The following CD99L2 variants were observed in gnomAD, a reference collection of about 807,000 sequenced individuals.
CD99L2 encodes CD99 antigen-like protein 2.
Under a neutral mutation model 27.3 loss-of-function variants are expected in CD99L2, and 24 were observed. The observed-to-expected ratio is 0.88, with a 90% confidence interval of 0.64 to 1.24. The LOEUF is 1.24. Among genes scored for constraint, CD99L2 ranks in the 50% most tolerant of loss-of-function variants. The pLI is 0.00. For missense variants in CD99L2, 255 were observed against 221.6 expected (o/e 1.15, Z -0.96); for synonymous variants, 97 against 87.9 (o/e 1.10, Z -0.58).
At chrX:150,770,986 C>T (rs1024582305) in intron 9 of CD99L2, among the ~76,000 whole-genome samples, 5 of 112,631 alleles carry the variant, frequency 4.4e-5, no homozygotes, top group Non-Finnish European at 7.5e-5. Flanking sequence ...TTCTCTACAC[C>T]TGTTACAAGA....
chrX:150,862,876 GA>G (rs781878732), intron 1 of CD99L2, among the ~76,000 whole-genome samples: 1 of 85,724 alleles, frequency 1.2e-5, no homozygotes. Flanking sequence ...AAGAAAGAAA[GA>G]AAAAGAAAGA....
chrX:150,836,360 C>T (rs782214201), intron 1 of CD99L2, among the ~76,000 whole-genome samples: 1 of 109,662 alleles, frequency 9.1e-6, no homozygotes, highest in Non-Finnish European at 1.9e-5. Flanking sequence ...TTTTTTTTTC[C>T]GAGATGGAGT....
rs200922010 is a variant in CD99L2 at position 150,880,628 on chromosome X, T to C, written c.67+17894A>G. Reference sequence around the variant, plus strand: ...TAAAATTAGATAATGAGAGTGATGGTTGCACAGTTTTGAATACACTAGAAA... The same window carrying C: ...TAAAATTAGATAATGAGAGTGATGGCTGCACAGTTTTGAATACACTAGAAA... On this transcript the variant is annotated intron_variant, in intron 1 of 10. Coordinates refer to ENST00000370377, the MANE Select transcript of CD99L2 (RefSeq NM_031462.4). 4.5e-5 allele frequency among the ~76,000 whole-genome samples: 5 copies of C among 111,484 alleles called. No homozygotes were observed. In the East Asian group the frequency reaches 1.1e-3, roughly 25 times the overall value.
chrX:150,772,111 G>A (rs782067535), intron 9 of CD99L2, among the ~76,000 whole-genome samples: 1 of 112,093 alleles, frequency 8.9e-6, no homozygotes, highest in Admixed American at 9.4e-5. Flanking sequence ...AGTGGGGACA[G>A]GAGGCCCAAC....
At chrX:150,790,197 G>A (rs1273148189) in intron 7 of CD99L2, among the ~76,000 whole-genome samples, 3 of 110,084 alleles carry the variant, frequency 2.7e-5, no homozygotes, top group Non-Finnish European at 3.8e-5. Flanking sequence ...CTAGACTAGG[G>A]TTGAGGGAAG....
intron 7 of CD99L2, among the ~76,000 whole-genome samples, chrX:150,785,852 TCA>T (rs1403247778): frequency 1.8e-5 from 2 of 112,550 alleles, no homozygotes; most frequent in Non-Finnish European, 3.7e-5. Flanking sequence ...TATAAATGTA[TCA>T]CAGTTTGTCG....
At chrX:150,824,213 G>A (rs1342738169) in intron 2 of CD99L2, among the ~76,000 whole-genome samples, 1 of 72,413 alleles carries the variant, frequency 1.4e-5, no homozygotes, top group African/African-American at 5.4e-5. Context: ...GGAGGAAGAG[G>A]AGGAGGAAGA....
At chrX:150,885,040 G>T in intron 1 of CD99L2, among the ~76,000 whole-genome samples, 1 of 111,695 alleles carries the variant, frequency 9.0e-6, no homozygotes, top group African/African-American at 3.3e-5. Flanking sequence ...ATTTCTACAA[G>T]GTTAGAAGAC....
At chrX:150,801,408 C>T (rs1021186837) in intron 4 of CD99L2, among the ~76,000 whole-genome samples, 1 of 111,622 alleles carries the variant, frequency 9.0e-6, no homozygotes, top group Non-Finnish European at 1.9e-5. Context: ...CACAAGGTGG[C>T]AGGAGAGAGA....
intron 6 of CD99L2, among the ~76,000 whole-genome samples, chrX:150,794,773 T>C (rs947650771): frequency 9.0e-6 from 1 of 111,501 alleles, no homozygotes; most frequent in Non-Finnish European, 1.9e-5. Context: ...AAACAACATC[T>C]CACGATGGAA....
At chrX:150,774,932 C>T (rs935532209) in intron 9 of CD99L2, among the ~76,000 whole-genome samples, 1 of 112,172 alleles carries the variant, frequency 8.9e-6, no homozygotes, top group Non-Finnish European at 1.9e-5. Context: ...GTCAAGCTTC[C>T]GGATCCACGG....
chrX:150,772,432 C>T (rs991656982), intron 9 of CD99L2, among the ~76,000 whole-genome samples: 4 of 112,380 alleles, frequency 3.6e-5, no homozygotes, highest in East Asian at 2.8e-4. Flanking sequence ...AGCAGAGGCC[C>T]GGGATGGGGA....
chrX:150,848,822 G>A (rs1467736361), intron 1 of CD99L2, among the ~76,000 whole-genome samples: 1 of 111,402 alleles, frequency 9.0e-6, no homozygotes, highest in Non-Finnish European at 1.9e-5. Flanking sequence ...ACATTCATTC[G>A]TTGGAAGAGT....
In CD99L2 at chrX:150,860,403, T is replaced by C. The variant is rs142956544; in HGVS notation, c.68-29110A>G. On this transcript the variant is annotated intron_variant, in intron 1 of 10. Coordinates refer to ENST00000370377, the MANE Select transcript of CD99L2 (RefSeq NM_031462.4). ...GGCTGAAAGCATTTCCTCTAAGAAC[T>C]GGAACAAGACAAAGGTGGCCACTTT... 6.3e-3 allele frequency among the ~76,000 whole-genome samples: 711 copies of C among 112,148 alleles called. 4 individuals are homozygous for C. Among genetic ancestry groups the C allele is most frequent in the African/African-American group, 0.022 (666 of 30,885 alleles).
At chrX:150,886,611 G>A (rs1181164020) in intron 1 of CD99L2, among the ~76,000 whole-genome samples, 3 of 112,489 alleles carry the variant, frequency 2.7e-5, no homozygotes, top group Non-Finnish European at 5.6e-5. Flanking sequence ...GGCTGTATCC[G>A]TCTTTACAGT....
chrX:150,888,627 T>C (rs1557422698), intron 1 of CD99L2, among the ~76,000 whole-genome samples: 14 of 112,291 alleles, frequency 1.2e-4, no homozygotes, highest in Non-Finnish European at 5.6e-5. Flanking sequence ...TTTACCACAA[T>C]TTTTAAAAGG....
At chrX:150,779,848 A>T (rs1304988198) in intron 7 of CD99L2, among the ~76,000 whole-genome samples, 1 of 112,374 alleles carries the variant, frequency 8.9e-6, no homozygotes, top group African/African-American at 3.2e-5. Flanking sequence ...TGAAAATGGA[A>T]AAGATCAGAT....
rs143535758 is a variant in CD99L2 at position 150,877,381 on chromosome X, T to A, written c.67+21141A>T. On this transcript the variant is annotated intron_variant, in intron 1 of 10. Transcript: ENST00000370377. ...AAGTCAAGAACAAGCAAAGAGACTA[T>A]TAGCACCACTATTATTTAATAGCCA... 5.2e-3 allele frequency among the ~76,000 whole-genome samples: 577 copies of A among 111,775 alleles called. 7 individuals carry two copies. Among genetic ancestry groups the A allele is most frequent in the Middle Eastern group, 0.014 (3 of 217 alleles).
At chrX:150,829,187 T>C (rs936969265) in intron 2 of CD99L2, 27 of 139,441 alleles carry the variant, frequency 1.9e-4, no homozygotes, top group Middle Eastern at 3.6e-3. Flanking sequence ...TATATATATA[T>C]GCGCACATAT....
Sources: allele counts gnomAD v4.1 joint callset (sites outside exome capture counted in the v4.1 genomes callset), GRCh38; gene constraint gnomAD v4.1.1; transcripts MANE v1.5; gene names NCBI Gene and HGNC (gene_info 2026-07-23, HGNC 2026-07-21).